Variants in EEPD1 observed in about 807,000 individuals in gnomAD.
EEPD1 encodes endonuclease/exonuclease/phosphatase family domain containing 1.
In EEPD1, 17 loss-of-function variants were observed where a neutral mutation model predicts 46.3. That is an observed-to-expected ratio of 0.37 (90% confidence interval 0.25 to 0.55). The LOEUF (loss-of-function observed/expected upper bound fraction) is 0.55. Among genes scored for constraint, EEPD1 ranks in the 20% least tolerant of loss-of-function variants. The pLI is 0.83. For synonymous variants in EEPD1, 313 were observed against 315.6 expected, an observed-to-expected ratio of 0.99 and a Z score of 0.09; for missense variants, 673 against 745.6, an observed-to-expected ratio of 0.90 and a Z score of 1.13.
At chr7:36,232,704 G>A (rs1481529509) in intron 2 of EEPD1, among the ~76,000 whole-genome samples, 1 of 150,790 alleles carries the variant, frequency 6.6e-6, no homozygotes, top group African/African-American at 2.4e-5. Context: ...GTTCAGTGGG[G>A]GAGAGTTCTG....
intron 2 of EEPD1, among the ~76,000 whole-genome samples, chr7:36,172,166 C>G (rs1303856922): frequency 6.6e-6 from 1 of 152,116 alleles, no homozygotes; most frequent in African/African-American, 2.4e-5. Context: ...ACTGCCATAT[C>G]CCTAGTTACA....
intron 2 of EEPD1, among the ~76,000 whole-genome samples, chr7:36,172,464 C>T (rs1785101135): frequency 6.6e-6 from 1 of 152,172 alleles, no homozygotes; most frequent in African/African-American, 2.4e-5. Context: ...GCCCCTTCTG[C>T]CGTACCTTGC....
rs191756449 is a variant in EEPD1, at chr7:36,209,353, G to C, written c.879-29632G>C. Among the ~76,000 whole-genome samples the C allele has an allele frequency of 8.9e-4, 136 of 152,344 alleles. 1 individual carries two copies. Among genetic ancestry groups the C allele is most frequent in the Non-Finnish European group, 1.3e-3 (86 of 68,030 alleles). On this transcript the variant is annotated intron_variant, in intron 2 of 7. Coordinates refer to ENST00000242108, the MANE Select transcript of EEPD1 (RefSeq NM_030636.3). ...TATTCTATAGGTCAAGGCTAGCAAGGTGGTTTCCTTTCTCATTGCCGGCTC... is the reference window on the plus strand; with the variant it reads ...TATTCTATAGGTCAAGGCTAGCAAGCTGGTTTCCTTTCTCATTGCCGGCTC...
intron 2 of EEPD1, among the ~76,000 whole-genome samples, chr7:36,182,524 T>C (rs1170751350): frequency 6.6e-6 from 1 of 152,248 alleles, no homozygotes; most frequent in African/African-American, 2.4e-5. Flanking sequence ...ATATAAAATA[T>C]GATTTTTAAG....
chr7:36,173,913 C>T (rs1228412548), intron 2 of EEPD1, among the ~76,000 whole-genome samples: 1 of 152,202 alleles, frequency 6.6e-6, no homozygotes, highest in Non-Finnish European at 1.5e-5. Flanking sequence ...TTTCCAGCAT[C>T]CTTTGCAGCT....
Position 36,278,612 on chromosome 7 carries a change from C to T in EEPD1, c.931-2503C>T, listed in dbSNP as rs143700376. 7.1e-3 allele frequency among the ~76,000 whole-genome samples: 1,088 copies of T among 152,260 alleles called. 5 individuals are homozygous for T. The highest frequency in any genetic ancestry group is 0.011 in the Non-Finnish European group (768 of 68,022). On this transcript the variant is annotated intron_variant, in intron 3 of 7. Coordinates refer to ENST00000242108, the MANE Select transcript of EEPD1 (RefSeq NM_030636.3). ...CCCTGCGAGGAAAACAGTGAAGCAC[C>T]AGCTGGGCACTGGAGAGCTGCTCTG...
In EEPD1 at chr7:36,239,017, A is replaced by ACGT. The variant is rs1786507096; in HGVS notation, c.912_913insGTC (p.Asp304_Arg305insVal). 1 of 1,611,606 alleles carries ACGT rather than the reference A, an allele frequency of 6.2e-7. No homozygotes were observed. Among genetic ancestry groups the ACGT allele is most frequent in the African/African-American group, 1.3e-5 (1 of 74,800 alleles). On this transcript the variant is annotated inframe_insertion, in exon 3 of 8. Coordinates refer to ENST00000242108, the MANE Select transcript of EEPD1 (RefSeq NM_030636.3). ...CTTCTAGCTGTGCAAGAACTGCTTG[A>ACGT]CAGAGAGGCCTTGGAAAAGGTAAAT...
chr7:36,288,961 C>T (rs1037593803), intron 6 of EEPD1, among the ~76,000 whole-genome samples: 7 of 152,214 alleles, frequency 4.6e-5, no homozygotes, highest in African/African-American at 1.4e-4. Flanking sequence ...TTGGAATTCT[C>T]TTCTATCTTT....
chr7:36,161,572 C>G (rs1199273366), intron 2 of EEPD1, among the ~76,000 whole-genome samples: 1 of 152,084 alleles, frequency 6.6e-6, no homozygotes, highest in Non-Finnish European at 1.5e-5. Context: ...GGTCCGGGCC[C>G]TCCACTGAGG....
chr7:36,207,898 T>G (rs968579587), intron 2 of EEPD1, among the ~76,000 whole-genome samples: 2 of 151,138 alleles, frequency 1.3e-5, no homozygotes, highest in Non-Finnish European at 3.0e-5. Flanking sequence ...GTTTTTTTTT[T>G]TTTTTTTTTT....
At chr7:36,201,778 G>C (rs953483755) in intron 2 of EEPD1, among the ~76,000 whole-genome samples, 3 of 152,126 alleles carry the variant, frequency 2.0e-5, no homozygotes, top group African/African-American at 7.2e-5. Context: ...AAAGCCTGCA[G>C]GTGCATTTAC....
chr7:36,219,460 GT>G (rs1786093687), intron 2 of EEPD1, among the ~76,000 whole-genome samples: 1 of 150,494 alleles, frequency 6.6e-6, no homozygotes, highest in East Asian at 2.0e-4. Context: ...GATTGCTTGA[GT>G]TTGAAACCAG....
At chr7:36,204,017 C>A (rs1472139002) in intron 2 of EEPD1, among the ~76,000 whole-genome samples, 4 of 148,010 alleles carry the variant, frequency 2.7e-5, no homozygotes, top group African/African-American at 1.0e-4. Flanking sequence ...AATGCCCTTT[C>A]TTTCTTTCTT....
chr7:36,199,771 G>A (rs1165035969), intron 2 of EEPD1, among the ~76,000 whole-genome samples: 1 of 152,140 alleles, frequency 6.6e-6, no homozygotes. Flanking sequence ...CCAACAGTGA[G>A]GGAGGTGGGG....
chr7:36,264,993 C>T (rs1786990804), intron 3 of EEPD1, among the ~76,000 whole-genome samples: 1 of 151,732 alleles, frequency 6.6e-6, no homozygotes, highest in Non-Finnish European at 1.5e-5. Flanking sequence ...TAGGATTTGA[C>T]ATAATACAGA....
At chr7:36,198,342 G>GAA (rs1361024411) in intron 2 of EEPD1, among the ~76,000 whole-genome samples, 5 of 33,096 alleles carry the variant, frequency 1.5e-4, no homozygotes, top group South Asian at 9.2e-4. Context: ...AAAAAGAAAA[G>GAA]AAAAAAAAAA....
chr7:36,178,379 C>T (rs1785219243), intron 2 of EEPD1, among the ~76,000 whole-genome samples: 1 of 152,236 alleles, frequency 6.6e-6, no homozygotes, highest in South Asian at 2.1e-4. Context: ...CATTGGGGCT[C>T]CCCTATGCTT....
chr7:36,154,745 A>T lies in EEPD1; in HGVS notation c.421A>T (p.Thr141Ser). The T allele has an allele frequency of 6.2e-7, 1 of 1,613,970 alleles. No individual in the cohort carries two copies. The highest frequency in any genetic ancestry group is 8.5e-7 in the Non-Finnish European group (1 of 1,180,000). The part of the protein sequence containing the change: ...VPLTPRVNIN[T>S]ATPAQLMSVR... ...CCTCACCCCACGTGTTAACATCAAC[A>T]CAGCCACCCCGGCCCAGCTCATGAG... The change falls in exon 2 of 8, where the codon ACA (threonine) becomes TCA (serine). Residue 141 changes from threonine to serine, a missense_variant. Physicochemically the swap from Thr to Ser is moderately conservative, Grantham distance 58. Coordinates refer to ENST00000242108, the MANE Select transcript of EEPD1 (RefSeq NM_030636.3). This position sits in a 1 kb window ranked among gnomAD's most constrained non-coding sequence, Gnocchi z 4.2.
intron 6 of EEPD1, among the ~76,000 whole-genome samples, chr7:36,292,907 G>A (rs542221107): frequency 1.6e-4 from 24 of 152,062 alleles, no homozygotes; most frequent in African/African-American, 5.3e-4. Context: ...TTCATAAGTC[G>A]AAAAGAGGAC....
Sources: gnomAD v4.1 joint callset for allele counts (sites outside exome capture counted in the v4.1 genomes callset) on GRCh38, gnomAD v4.1.1 for gene constraint, Gnocchi (gnomAD v3.1) non-coding constraint, MANE v1.5 for transcripts, NCBI Gene and HGNC (gene_info 2026-07-23, HGNC 2026-07-21) for gene names.